The following PLXNA4 variants were observed in gnomAD, a reference collection of about 807,000 sequenced individuals.
PLXNA4 encodes the protein plexin A4, also known as plexin-A4.
Under a neutral mutation model 191.8 loss-of-function variants are expected in PLXNA4, and 44 were observed. The ratio of observed to expected loss-of-function variants is 0.23; its 90% CI spans 0.18 to 0.29. PLXNA4 has a LOEUF of 0.29. PLXNA4 is among the 10% of genes least tolerant of loss of function. The probability of loss-of-function intolerance (pLI) is 1.00; values close to 1 mark genes in which losing one functional copy is unlikely to be tolerated. For synonymous variants in PLXNA4, 1,082 were observed against 1,009.5 expected, an observed-to-expected ratio of 1.07 and a Z score of -1.36; for missense variants, 1,800 against 2,488.8, an observed-to-expected ratio of 0.72 and a Z score of 5.89.
At chr7:132,132,639 G>T (rs1256564414) in intron 31 of PLXNA4, among the ~76,000 whole-genome samples, 1 of 150,038 alleles carries the variant, frequency 6.7e-6, no homozygotes, top group African/African-American at 2.5e-5. Flanking sequence ...AGTCTATTCT[G>T]TTTCTATTCT....
At chr7:132,333,929 CG>C (rs1258193283) in intron 3 of PLXNA4, among the ~76,000 whole-genome samples, 1 of 152,178 alleles carries the variant, frequency 6.6e-6, no homozygotes, top group African/African-American at 2.4e-5. Context: ...CCTTCCTCTC[CG>C]GGGTCCTGGA....
chr7:132,177,480 T>C (rs1242720456), intron 20 of PLXNA4, among the ~76,000 whole-genome samples: 1 of 152,204 alleles, frequency 6.6e-6, no homozygotes, highest in Non-Finnish European at 1.5e-5. Context: ...ACAAGTCCTT[T>C]GCTGTAAGAC....
intron 12 of PLXNA4, among the ~76,000 whole-genome samples, chr7:132,200,323 A>G (rs866872337): frequency 6.6e-6 from 1 of 152,092 alleles, no homozygotes; most frequent in Non-Finnish European, 1.5e-5. Context: ...TTTCTTGTTG[A>G]GGGCTCTGGG....
intron 3 of PLXNA4, among the ~76,000 whole-genome samples, chr7:132,329,370 T>G (rs1008689951): frequency 2.0e-5 from 3 of 152,198 alleles, no homozygotes; most frequent in Non-Finnish European, 4.4e-5. Context: ...TTTTTATATC[T>G]TTATGTGTGT....
At chr7:132,326,308 T>C (rs551182880) in intron 3 of PLXNA4, among the ~76,000 whole-genome samples, 4 of 152,218 alleles carry the variant, frequency 2.6e-5, no homozygotes, top group African/African-American at 7.2e-5. Flanking sequence ...CCAGCCTCCA[T>C]AGTCCTATGA....
intron 3 of PLXNA4, among the ~76,000 whole-genome samples, chr7:132,339,972 A>C (rs1802963707): frequency 6.6e-6 from 1 of 152,262 alleles, no homozygotes; most frequent in Non-Finnish European, 1.5e-5. Context: ...CATATAAAAC[A>C]ATATAGATCC....
intron 2 of PLXNA4, among the ~76,000 whole-genome samples, chr7:132,587,085 C>T (rs893577932): frequency 1.3e-5 from 2 of 152,146 alleles, no homozygotes; most frequent in Non-Finnish European, 2.9e-5. Flanking sequence ...GCAGACTATA[C>T]GTGCATTATT....
intron 3 of PLXNA4, chr7:132,383,893 G>A: frequency 1.0e-6 from 1 of 985,400 alleles, no homozygotes; most frequent in Non-Finnish European, 1.2e-6. Flanking sequence ...TGCACACAGA[G>A]CCAGTTTCAC....
chr7:132,415,898 A>C (rs1794642406), intron 3 of PLXNA4, among the ~76,000 whole-genome samples: 1 of 152,258 alleles, frequency 6.6e-6, no homozygotes. Context: ...ATTTAGGAAG[A>C]AATGAACAGA....
intron 3 of PLXNA4, among the ~76,000 whole-genome samples, chr7:132,410,872 T>C (rs1281667339): frequency 6.6e-6 from 1 of 152,166 alleles, no homozygotes; most frequent in Non-Finnish European, 1.5e-5. Context: ...GCATCCATTC[T>C]AGGTGGAAAC....
At chr7:132,611,879 C>T (rs1803052810) in intron 2 of PLXNA4, among the ~76,000 whole-genome samples, 1 of 152,130 alleles carries the variant, frequency 6.6e-6, no homozygotes, top group Non-Finnish European at 1.5e-5. Flanking sequence ...ATTCTTTCCC[C>T]TAAAAAAGGC....
intron 25 of PLXNA4, among the ~76,000 whole-genome samples, chr7:132,150,015 T>C (rs1795549808): frequency 2.0e-5 from 3 of 152,160 alleles, no homozygotes; most frequent in Admixed American, 2.0e-4. Flanking sequence ...CTCCAGTCCC[T>C]GGGGCTTCCC....
chr7:132,414,866 A>G (rs1170233870), intron 3 of PLXNA4, among the ~76,000 whole-genome samples: 1 of 152,198 alleles, frequency 6.6e-6, no homozygotes, highest in Non-Finnish European at 1.5e-5. Context: ...CTATATTGAT[A>G]AGAATGCCAA....
At chr7:132,213,135 A>C (rs1202902515) in intron 9 of PLXNA4, among the ~76,000 whole-genome samples, 1 of 152,218 alleles carries the variant, frequency 6.6e-6, no homozygotes, top group Non-Finnish European at 1.5e-5. Context: ...GCTCAGTGAA[A>C]TAAGCCAGCC....
chr7:132,208,568 T>C (rs547521155), intron 10 of PLXNA4, among the ~76,000 whole-genome samples: 1 of 152,196 alleles, frequency 6.6e-6, no homozygotes, highest in South Asian at 2.1e-4. Context: ...CAGGTTCTCT[T>C]CTTGGTGAAG....
At chr7:132,628,145 T>C (rs966898923) in intron 2 of PLXNA4, among the ~76,000 whole-genome samples, 1 of 152,248 alleles carries the variant, frequency 6.6e-6, no homozygotes, top group African/African-American at 2.4e-5. Context: ...GGTAATACTT[T>C]GAGATCTGCC....
intron 11 of PLXNA4, 99 bp downstream of exon 11, chr7:132,203,224 C>G (rs541854192): frequency 9.3e-7 from 1 of 1,077,770 alleles, no homozygotes; most frequent in Non-Finnish European, 1.4e-6. Context: ...CACTAGGAGG[C>G]GGGGGCAGAA....
intron 3 of PLXNA4, among the ~76,000 whole-genome samples, chr7:132,343,836 G>A (rs1167762772): frequency 6.6e-6 from 1 of 152,170 alleles, no homozygotes; most frequent in East Asian, 1.9e-4. Context: ...AGAATTGCTT[G>A]AACCCGGAAG....
intron 3 of PLXNA4, among the ~76,000 whole-genome samples, chr7:132,397,205 C>T (rs1418184106): frequency 1.3e-5 from 2 of 152,236 alleles, no homozygotes; most frequent in Non-Finnish European, 2.9e-5. Flanking sequence ...CAGTGTTTAA[C>T]ATCAAGATCC....
Sources: gnomAD v4.1 joint callset for allele counts (sites outside exome capture counted in the v4.1 genomes callset) on GRCh38, gnomAD v4.1.1 for gene constraint, MANE v1.5 for transcripts, NCBI Gene and HGNC (gene_info 2026-07-23, HGNC 2026-07-21) for gene names.